PDGFB: variants seen among roughly 807,000 people sequenced by gnomAD.
PDGFB encodes platelet-derived growth factor subunit B.
PDGFB carries 6 observed loss-of-function variants against 29.0 expected under a neutral mutation model. That is an observed-to-expected ratio of 0.21 (90% CI 0.11 to 0.41). PDGFB has a LOEUF of 0.41. PDGFB is among the 10% of genes least tolerant of loss of function. The pLI is 1.00. For missense variants in PDGFB, 299 were observed against 341.8 expected, an observed-to-expected ratio of 0.87 and a Z score of 0.99; for synonymous variants, 144 against 140.8, an observed-to-expected ratio of 1.02 and a Z score of -0.16.
At position 39,233,422 on chromosome 22, in the gene PDGFB, G is replaced by T. The variant is rs777850559; in HGVS notation, c.250+13C>A. On this transcript the variant is annotated intron_variant, in intron 3 of 6. Coordinates refer to ENST00000331163, the MANE Select transcript of PDGFB (RefSeq NM_002608.4). ...CTAATTTGAAGGACCCTTGTTGGGT[G>T]TCTCAGTCTTACCCAGGCTCCTTCT... is the stretch of plus-strand genomic sequence containing the variant. The T allele has an allele frequency of 1.3e-6, 2 of 1,582,124 alleles. No individual in the cohort carries two copies.
At position 39,227,050 on chromosome 22, in the gene PDGFB, G is replaced by A. The variant is rs531595129; in HGVS notation, c.602-1203C>T. On this transcript the variant is annotated intron_variant, in intron 5 of 6. Coordinates refer to ENST00000331163, the MANE Select transcript of PDGFB (RefSeq NM_002608.4). ...CTCAGCTCACTGCAACCTCCACCTC[G>A]CAGGTTCAAGTGATTCTCCTGCCTC... is the stretch of plus-strand genomic sequence containing the variant. Among the ~76,000 whole-genome samples the A allele has an allele frequency of 3.5e-4, 54 of 152,282 alleles. 1 individual carries two copies. The East Asian group carries it at 8.9e-3, about 25-fold the overall frequency.
chr22:39,238,513 G>A (rs774041496), intron 1 of PDGFB, among the ~76,000 whole-genome samples: 24 of 152,246 alleles, frequency 1.6e-4, no homozygotes, highest in Non-Finnish European at 3.1e-4. Flanking sequence ...GAAAAACACC[G>A]TATAAACTAC....
At chr22:39,235,750 C>A (rs373193622) in intron 2 of PDGFB, 28 bp downstream of exon 2, 19 of 1,538,814 alleles carry the variant, frequency 1.2e-5, no homozygotes, top group African/African-American at 2.7e-5. Context: ...CTCGGAGGGC[C>A]GGAGCGCGGG....
intron 1 of PDGFB, among the ~76,000 whole-genome samples, chr22:39,238,290 G>C (rs1569138869): frequency 6.6e-6 from 1 of 152,080 alleles, no homozygotes; most frequent in Non-Finnish European, 1.5e-5. Flanking sequence ...TGATTCTTCT[G>C]CCTCCTCCAC....
At chr22:39,240,137 G>C (rs929926079) in intron 1 of PDGFB, among the ~76,000 whole-genome samples, 1 of 152,224 alleles carries the variant, frequency 6.6e-6, no homozygotes, top group Non-Finnish European at 1.5e-5. Flanking sequence ...CTCCCGCTCA[G>C]CCTCTGCTCC....
In PDGFB at chr22:39,233,570, C is replaced by T. The variant is rs201220622; in HGVS notation, c.161-46G>A. On this transcript the variant is annotated intron_variant, in intron 2 of 6. Transcript: ENST00000331163. Reference sequence around the variant, plus strand: ...AGACACCAGGCGGCCCCACCTTGGGCAGGGGCTCCCTCCGCCGGGGTGTCT... The same window carrying T: ...AGACACCAGGCGGCCCCACCTTGGGTAGGGGCTCCCTCCGCCGGGGTGTCT... The T allele has an allele frequency of 5.0e-6, 7 of 1,396,030 alleles. No individual in the cohort carries two copies. The East Asian group carries it at 1.0e-4, about 20-fold the overall frequency. 86.5% of individuals were successfully genotyped at this position (1,396,030 alleles called of 1,614,324 possible).
intron 6 of PDGFB, among the ~76,000 whole-genome samples, 187 bp downstream of exon 6, chr22:39,225,508 G>A (rs1932142769): frequency 6.6e-6 from 1 of 152,016 alleles, no homozygotes; most frequent in Non-Finnish European, 1.5e-5. Context: ...AGGGCATGCT[G>A]GGACACAGCT....
At chr22:39,233,268 G>A (rs1002408728) in intron 3 of PDGFB, among the ~76,000 whole-genome samples, 167 bp downstream of exon 3, 2 of 152,216 alleles carry the variant, frequency 1.3e-5, no homozygotes, top group African/African-American at 2.4e-5. Context: ...ACTGAACACA[G>A]GCATTTAAGG....
rs1396112728 is a variant in PDGFB at position 39,224,404 on chromosome 22, G to A, written c.*938C>T. 2 of 152,496 alleles carry A rather than the reference G, an allele frequency of 1.3e-5. No individual in the cohort carries two copies. Among genetic ancestry groups the A allele is most frequent in the Non-Finnish European group, 2.9e-5 (2 of 68,118 alleles). 9.4% of individuals were successfully genotyped at this position (152,496 alleles called of 1,614,324 possible). A position where few individuals can be genotyped will look rare whatever the true frequency, so the allele number is the denominator to read the frequency against. On this transcript the variant is annotated 3_prime_UTR_variant, in exon 7 of 7. Transcript: ENST00000331163. ...TGGCTGGGTTGGAATATGATGAGCA[G>A]GTCCCTTGCTGCCCTGGCCTCTAGT...
chr22:39,237,532 C>T (rs1932474690), intron 1 of PDGFB, among the ~76,000 whole-genome samples: 1 of 152,224 alleles, frequency 6.6e-6, no homozygotes, highest in African/African-American at 2.4e-5. Context: ...CTGCCCCTCA[C>T]TTTCGGCCCC....
rs866462132 is a variant in PDGFB at position 39,242,166 on chromosome 22, T to C, written c.63+1735A>G. The C allele has an allele frequency of 2.7e-5, 6 of 218,958 alleles. No individual in the cohort carries two copies. Among genetic ancestry groups the C allele is most frequent in the South Asian group, 1.8e-4 (1 of 5,408 alleles). 13.6% of individuals were successfully genotyped at this position (218,958 alleles called of 1,614,324 possible). On this transcript the variant is annotated intron_variant, in intron 1 of 6. Transcript: ENST00000331163. The surrounding 1 kb of genome is among the most constrained non-coding windows in gnomAD (Gnocchi z 5.7). ...TGCGTTTGTGTGCGGTGCGCGCGCG[T>C]GTGTCCCGCGTGTGCACGGGCGTGG...
Position 39,230,103 on chromosome 22 carries a change from C to T in PDGFB, c.582G>A (p.Gly194=). Reference sequence around the variant, plus strand: ...GGTTACCTCGCTGCTCCTGGGAACCCCCCGGGCTTCGGGTCACAGGCCGTG... The same window carrying T: ...GGTTACCTCGCTGCTCCTGGGAACCTCCCGGGCTTCGGGTCACAGGCCGTG... The part of the protein sequence containing the change: ...AAARPVTRSP[G]GSQEQRAKTP... Residue 194 remains glycine, a synonymous_variant, in exon 5 of 7, where the codon GGG becomes GGA. Coordinates refer to ENST00000331163, the MANE Select transcript of PDGFB (RefSeq NM_002608.4). The T allele has an allele frequency of 6.2e-7, 1 of 1,613,844 alleles. No individual in the cohort carries two copies.
intron 2 of PDGFB, 113 bp downstream of exon 2, chr22:39,235,665 T>A: frequency 1.3e-6 from 1 of 749,408 alleles, no homozygotes; most frequent in Non-Finnish European, 2.2e-6. Flanking sequence ...TGGGCTGCCA[T>A]GGGCCTCTAG....
intron 2 of PDGFB, among the ~76,000 whole-genome samples, chr22:39,234,817 G>A (rs1028994767): frequency 6.6e-6 from 1 of 152,232 alleles, no homozygotes; most frequent in African/African-American, 2.4e-5. Context: ...CCAGGGGTGT[G>A]GAGGGGCCGT....
chr22:39,236,967 C>G (rs963327659), intron 1 of PDGFB, among the ~76,000 whole-genome samples: 1 of 152,142 alleles, frequency 6.6e-6, no homozygotes, highest in Non-Finnish European at 1.5e-5. Context: ...TTGGGTTAAA[C>G]TATTTTCTGC....
At chr22:39,228,882 G>A (rs1469067914) in intron 5 of PDGFB, among the ~76,000 whole-genome samples, 1 of 74,208 alleles carries the variant, frequency 1.3e-5, no homozygotes, top group African/African-American at 4.0e-5. Flanking sequence ...GGGTGAGACT[G>A]CCTCAAAAAA....
Position 39,225,689 on chromosome 22 carries a change from C to T in PDGFB, c.*28+6G>A, listed in dbSNP as rs1413748906. ...CTGGGCCTCAGTTGCCCCGCCTGGCCCTCACCTGCCCACACACTCTCCTGC... is the reference window on the plus strand; with the variant it reads ...CTGGGCCTCAGTTGCCCCGCCTGGCTCTCACCTGCCCACACACTCTCCTGC... On this transcript the variant is annotated splice_donor_region_variant and intron_variant, in intron 6 of 6. Transcript: ENST00000331163. 2 of 1,605,284 alleles carry T rather than the reference C, an allele frequency of 1.2e-6. No individual in the cohort carries two copies. The highest frequency in any genetic ancestry group is 1.7e-5 in the Admixed American group (1 of 59,546).
At chr22:39,232,802 C>T (rs867596641) in intron 3 of PDGFB, among the ~76,000 whole-genome samples, 2 of 152,358 alleles carry the variant, frequency 1.3e-5, no homozygotes, top group Admixed American at 6.5e-5. Context: ...CCACCTGACT[C>T]TTATTCATCG....
intron 5 of PDGFB, among the ~76,000 whole-genome samples, chr22:39,226,368 T>G (rs760892399): frequency 3.2e-4 from 49 of 152,124 alleles, no homozygotes; most frequent in Non-Finnish European, 5.0e-4. Context: ...GGCTGCCACA[T>G]AACAGGTCTG....
Sources: allele counts gnomAD v4.1 joint callset (sites outside exome capture counted in the v4.1 genomes callset), GRCh38; gene constraint gnomAD v4.1.1; non-coding constraint Gnocchi (gnomAD v3.1); transcripts MANE v1.5; gene names NCBI Gene and HGNC (gene_info 2026-07-23, HGNC 2026-07-21).